Variants in CTNNA3 observed in about 807,000 individuals in gnomAD.
CTNNA3 encodes catenin alpha 3.
CTNNA3 carries 76 observed loss-of-function variants against 95.7 expected under a neutral mutation model. The ratio of observed to expected loss-of-function variants is 0.79; its 90% CI spans 0.66 to 0.96. The LOEUF is 0.96. Among genes scored for constraint, CTNNA3 ranks in the 40% least tolerant of loss-of-function variants. CTNNA3 has a pLI of 0.00. For synonymous variants in CTNNA3, 431 were observed against 374.4 expected, an observed-to-expected ratio of 1.15 and a Z score of -1.74; for missense variants, 1,191 against 1,089.8, an observed-to-expected ratio of 1.09 and a Z score of -1.31.
rs191733261 is a variant in CTNNA3, at chr10:67,129,125, G to T, written c.1047+51192C>A. On this transcript the variant is annotated intron_variant, in intron 7 of 17. Coordinates refer to ENST00000433211, the MANE Select transcript of CTNNA3 (RefSeq NM_013266.4). Reference sequence around the variant, plus strand: ...CTTCTTCGGACTGCCACCCCTGTGAGGGAAGGGACTGTGACATTTTGTATT... The same window carrying T: ...CTTCTTCGGACTGCCACCCCTGTGATGGAAGGGACTGTGACATTTTGTATT... 6.6e-5 allele frequency among the ~76,000 whole-genome samples: 10 copies of T among 152,274 alleles called. No homozygotes were observed. In the East Asian group the frequency reaches 1.9e-3, roughly 29 times the overall value.
intron 15 of CTNNA3, among the ~76,000 whole-genome samples, chr10:65,998,749 C>A (rs1177216743): frequency 6.6e-6 from 1 of 152,100 alleles, no homozygotes; most frequent in South Asian, 2.1e-4. Context: ...AGAATAGACA[C>A]CCTAATATTA....
At chr10:67,589,557 T>G (rs533289504) in intron 3 of CTNNA3, among the ~76,000 whole-genome samples, 2 of 152,264 alleles carry the variant, frequency 1.3e-5, no homozygotes, top group South Asian at 4.1e-4. Context: ...TCTTTCTCTC[T>G]CATTATAAAC....
At chr10:66,523,589 T>A (rs181450950) in intron 10 of CTNNA3, among the ~76,000 whole-genome samples, 4,429 of 152,228 alleles carry the variant, frequency 0.029, 200 homozygotes, top group African/African-American at 0.095. Flanking sequence ...AGCTTTTTTT[T>A]AAAATGAATT....
chr10:66,193,818 C>T (rs1308366440), intron 13 of CTNNA3, among the ~76,000 whole-genome samples: 1 of 152,130 alleles, frequency 6.6e-6, no homozygotes, highest in Non-Finnish European at 1.5e-5. Flanking sequence ...TAATCCATCT[C>T]ATAGCTCTTG....
intron 5 of CTNNA3, among the ~76,000 whole-genome samples, chr10:67,279,064 T>C (rs529594272): frequency 4.7e-4 from 72 of 152,146 alleles, no homozygotes; most frequent in African/African-American, 1.7e-3. Flanking sequence ...TGGTGTTGAG[T>C]CCTGAGTTGT....
At chr10:67,367,783 G>A (rs1843270936) in intron 5 of CTNNA3, among the ~76,000 whole-genome samples, 1 of 152,160 alleles carries the variant, frequency 6.6e-6, no homozygotes, top group South Asian at 2.1e-4. Flanking sequence ...AATATCCTAA[G>A]TGAACTAATG....
At chr10:65,993,459 T>A (rs1026648890) in intron 15 of CTNNA3, among the ~76,000 whole-genome samples, 1 of 152,228 alleles carries the variant, frequency 6.6e-6, no homozygotes, top group African/African-American at 2.4e-5. Context: ...AATTTTTATA[T>A]TCTCTTGCTG....
chr10:67,726,556 A>AAT (rs1217828350), intron 1 of CTNNA3, among the ~76,000 whole-genome samples: 23 of 61,266 alleles, frequency 3.8e-4, no homozygotes, highest in East Asian at 1.6e-3. Context: ...CATATTATAT[A>AAT]ATATAATATA....
chr10:67,392,099 A>G (rs573213177), intron 5 of CTNNA3, among the ~76,000 whole-genome samples: 4,408 of 152,236 alleles, frequency 0.029, 210 homozygotes, highest in African/African-American at 0.099. Flanking sequence ...AAAACAAACT[A>G]CCATCAGAGT....
At chr10:66,014,620 A>C (rs1163799125) in intron 15 of CTNNA3, among the ~76,000 whole-genome samples, 1 of 152,184 alleles carries the variant, frequency 6.6e-6, no homozygotes, top group African/African-American at 2.4e-5. Flanking sequence ...TTTGACAATA[A>C]TGGACATGTT....
At chr10:67,364,713 C>G (rs372649123) in intron 5 of CTNNA3, among the ~76,000 whole-genome samples, 1 of 151,958 alleles carries the variant, frequency 6.6e-6, no homozygotes, top group Non-Finnish European at 1.5e-5. Flanking sequence ...CACTGCCCAA[C>G]AAAATAAAAG....
At chr10:66,383,743 A>G (rs1395514979) in intron 11 of CTNNA3, among the ~76,000 whole-genome samples, 1 of 152,196 alleles carries the variant, frequency 6.6e-6, no homozygotes, top group Non-Finnish European at 1.5e-5. Context: ...CTAACAGCAG[A>G]TCTCTTGGCA....
chr10:66,998,507 CAAAT>C (rs1851489284), intron 7 of CTNNA3, among the ~76,000 whole-genome samples: 1 of 151,666 alleles, frequency 6.6e-6, no homozygotes, highest in Non-Finnish European at 1.5e-5. Context: ...GCAAGACACA[CAAAT>C]AAAATACAAT....
At chr10:66,366,882 T>C (rs958623659) in intron 12 of CTNNA3, among the ~76,000 whole-genome samples, 1 of 152,144 alleles carries the variant, frequency 6.6e-6, no homozygotes, top group East Asian at 1.9e-4. Context: ...TGTTCTAGTA[T>C]CTTCAGTGGG....
intron 7 of CTNNA3, among the ~76,000 whole-genome samples, chr10:66,823,971 G>A (rs1842400660): frequency 3.3e-5 from 5 of 151,446 alleles, no homozygotes. Context: ...AGATAGAAAG[G>A]GAAAAGAAAG....
intron 7 of CTNNA3, among the ~76,000 whole-genome samples, chr10:66,803,565 A>G (rs1564693459): frequency 7.2e-6 from 1 of 139,256 alleles, no homozygotes; most frequent in East Asian, 2.1e-4. Context: ...CCATAGCTAC[A>G]GATCCTATAA....
chr10:67,554,709 G>A (rs1841169550), intron 3 of CTNNA3, among the ~76,000 whole-genome samples: 1 of 152,144 alleles, frequency 6.6e-6, no homozygotes, highest in Non-Finnish European at 1.5e-5. Context: ...TACGTTGCCT[G>A]TTCACTCTGA....
chr10:67,341,988 G>A (rs550765502), intron 5 of CTNNA3, among the ~76,000 whole-genome samples: 1 of 126,516 alleles, frequency 7.9e-6, no homozygotes, highest in African/African-American at 2.9e-5. Flanking sequence ...CCATTTATGT[G>A]TCTTTTTTTT....
chr10:66,601,671 A>G (rs935967032), intron 10 of CTNNA3, among the ~76,000 whole-genome samples: 1 of 151,946 alleles, frequency 6.6e-6, no homozygotes, highest in African/African-American at 2.4e-5. Flanking sequence ...ATCCAAAATG[A>G]CAAATCTTAT....
Sources: gnomAD v4.1 joint callset for allele counts (sites outside exome capture counted in the v4.1 genomes callset) on GRCh38, gnomAD v4.1.1 for gene constraint, MANE v1.5 for transcripts, NCBI Gene and HGNC (gene_info 2026-07-23, HGNC 2026-07-21) for gene names.